Variants in FSHR observed in about 807,000 individuals in gnomAD.
The protein encoded by FSHR is follicle stimulating hormone receptor, also known as follicle-stimulating hormone receptor.
A neutral mutation model predicts 52.1 loss-of-function variants in FSHR; 46 were observed. The ratio of observed to expected loss-of-function variants is 0.88; its 90% CI spans 0.70 to 1.13. The LOEUF is 1.13. FSHR is among the 50% of genes most tolerant of loss of function. FSHR has a pLI of 0.00. For missense variants in FSHR, 964 were observed against 834.6 expected (o/e 1.16, Z -1.91); for synonymous variants, 399 against 309.6 (o/e 1.29, Z -3.03).
intron 2 of FSHR, among the ~76,000 whole-genome samples, chr2:49,063,053 C>G (rs888553181): frequency 6.6e-6 from 1 of 152,014 alleles, no homozygotes; most frequent in Non-Finnish European, 1.5e-5. Context: ...AAATGTAGAG[C>G]TTCCATATGA....
chr2:48,965,198 A>T (rs1424361592), intron 9 of FSHR, among the ~76,000 whole-genome samples: 1 of 152,122 alleles, frequency 6.6e-6, no homozygotes, highest in Non-Finnish European at 1.5e-5. Flanking sequence ...ATTTGATGCT[A>T]AAGGATGAGT....
Position 49,023,110 on chromosome 2 carries a change from G to T in FSHR, c.225-2950C>A, listed in dbSNP as rs967650787. Among the ~76,000 whole-genome samples the T allele has an allele frequency of 9.2e-5, 14 of 152,296 alleles. No individual in the cohort carries two copies. The East Asian group carries it at 2.1e-3, about 23-fold the overall frequency. Reference sequence around the variant, plus strand: ...AGAGTGTGATAGAGGAGCTCCAGGAGAATGAAGTAGTTGGTTTAGAAAAAT... The same window carrying T: ...AGAGTGTGATAGAGGAGCTCCAGGATAATGAAGTAGTTGGTTTAGAAAAAT... On this transcript the variant is annotated intron_variant, in intron 2 of 9. Transcript: ENST00000406846.
intron 4 of FSHR, among the ~76,000 whole-genome samples, chr2:48,996,233 C>T (rs1377738159): frequency 6.6e-6 from 1 of 152,098 alleles, no homozygotes; most frequent in African/African-American, 2.4e-5. Context: ...TTGACTCCTT[C>T]CTCCTGACCA....
chr2:48,989,409 A>AATAGCT (rs1675667620), intron 5 of FSHR, among the ~76,000 whole-genome samples: 1 of 151,788 alleles, frequency 6.6e-6, no homozygotes, highest in African/African-American at 2.4e-5. Context: ...CAGCCTCCAG[A>AATAGCT]ATAGCTGGGA....
At chr2:49,007,423 A>C (rs947329608) in intron 4 of FSHR, among the ~76,000 whole-genome samples, 1 of 152,168 alleles carries the variant, frequency 6.6e-6, no homozygotes, top group Non-Finnish European at 1.5e-5. Context: ...GCATTATTCA[A>C]CCAGCTGTTT....
chr2:49,153,002 G>C (rs1673117795), intron 1 of FSHR, among the ~76,000 whole-genome samples: 1 of 152,242 alleles, frequency 6.6e-6, no homozygotes, highest in South Asian at 2.1e-4. Context: ...ATCTGAGACA[G>C]TGTAGCCAAA....
At chr2:49,071,459 T>C (rs2103626408) in intron 1 of FSHR, among the ~76,000 whole-genome samples, 1 of 152,212 alleles carries the variant, frequency 6.6e-6, no homozygotes, top group South Asian at 2.1e-4. Context: ...TAAAATAAAA[T>C]TACTTCTGAA....
chr2:49,148,245 C>G (rs1219481559), intron 1 of FSHR, among the ~76,000 whole-genome samples: 18 of 151,800 alleles, frequency 1.2e-4, no homozygotes, highest in African/African-American at 4.4e-4. Flanking sequence ...ACTCAGTAGA[C>G]CTTGTTTCTA....
intron 4 of FSHR, chr2:49,014,627 G>A (rs762378337): frequency 2.2e-5 from 6 of 267,460 alleles, no homozygotes; most frequent in South Asian, 3.7e-5. Flanking sequence ...CAAGATGTGG[G>A]TCAATGATGA....
intron 1 of FSHR, among the ~76,000 whole-genome samples, chr2:49,149,962 T>C (rs1345596517): frequency 6.6e-6 from 1 of 152,040 alleles, no homozygotes; most frequent in Admixed American, 6.6e-5. Flanking sequence ...TCTTCTTTAG[T>C]ATTATAATCA....
intron 8 of FSHR, among the ~76,000 whole-genome samples, chr2:48,977,316 G>C (rs1675035387): frequency 1.3e-5 from 2 of 152,142 alleles, no homozygotes; most frequent in African/African-American, 4.8e-5. Flanking sequence ...TTAGATCTCT[G>C]AGCCTTGATA....
chr2:49,028,230 A>G (rs1477236301), intron 2 of FSHR, among the ~76,000 whole-genome samples: 2 of 152,208 alleles, frequency 1.3e-5, no homozygotes, highest in African/African-American at 4.8e-5. Context: ...AATGATGACA[A>G]TGATAATAAT....
At chr2:49,001,169 C>T (rs1284414689) in intron 4 of FSHR, among the ~76,000 whole-genome samples, 1 of 152,126 alleles carries the variant, frequency 6.6e-6, no homozygotes, top group Non-Finnish European at 1.5e-5. Context: ...TCACCTATTT[C>T]ATTGCCATAA....
chr2:49,124,729 T>C (rs1277736133), intron 1 of FSHR, among the ~76,000 whole-genome samples: 1 of 152,202 alleles, frequency 6.6e-6, no homozygotes, highest in Non-Finnish European at 1.5e-5. Context: ...TCAACTCCTC[T>C]CAAATGGATT....
At chr2:49,015,288 A>T (rs1667443907) in intron 4 of FSHR, among the ~76,000 whole-genome samples, 1 of 152,150 alleles carries the variant, frequency 6.6e-6, no homozygotes, top group African/African-American at 2.4e-5. Flanking sequence ...CCTCTTTTTG[A>T]ACCCTTGCCA....
intron 8 of FSHR, among the ~76,000 whole-genome samples, chr2:48,977,334 A>G (rs1675036200): frequency 6.6e-6 from 1 of 152,206 alleles, no homozygotes; most frequent in Admixed American, 6.5e-5. Context: ...ATAGTCATGC[A>G]GAAGAGTTTA....
chr2:48,998,522 A>G (rs751413584), intron 4 of FSHR, among the ~76,000 whole-genome samples: 40 of 152,194 alleles, frequency 2.6e-4, no homozygotes, highest in Non-Finnish European at 5.3e-4. Context: ...TACTAGTAAA[A>G]TTCAGCTGGT....
chr2:49,083,406 AC>A (rs1446142112), intron 1 of FSHR, among the ~76,000 whole-genome samples: 2 of 151,918 alleles, frequency 1.3e-5, no homozygotes, highest in Admixed American at 6.6e-5. Context: ...AAATGTAAAG[AC>A]CATCGAGACT....
At chr2:49,099,762 C>T (rs1164475818) in intron 1 of FSHR, among the ~76,000 whole-genome samples, 1 of 152,068 alleles carries the variant, frequency 6.6e-6, no homozygotes, top group Non-Finnish European at 1.5e-5. Context: ...TGCTGGCCAT[C>T]ACCAGAAGCT....
Sources: allele counts gnomAD v4.1 joint callset (sites outside exome capture counted in the v4.1 genomes callset), GRCh38; gene constraint gnomAD v4.1.1; transcripts MANE v1.5; gene names NCBI Gene and HGNC (gene_info 2026-07-23, HGNC 2026-07-21).